KYNU: variants seen among roughly 807,000 people sequenced by gnomAD.
KYNU encodes L-kynurenine hydrolase.
A neutral mutation model predicts 59.2 loss-of-function variants in KYNU; 54 were observed. The observed-to-expected ratio is 0.91, with a 90% CI of 0.73 to 1.14. The LOEUF is 1.14. Ranked by LOEUF, KYNU falls within the 50% of genes most tolerant of loss-of-function variation. The pLI is 0.00. For synonymous variants in KYNU, 177 were observed against 192.0 expected (o/e 0.92, Z 0.65); for missense variants, 567 against 554.4 (o/e 1.02, Z -0.23).
intron 10 of KYNU, among the ~76,000 whole-genome samples, chr2:143,022,121 G>T (rs1383455616): frequency 2.0e-5 from 3 of 151,962 alleles, no homozygotes; most frequent in Non-Finnish European, 4.4e-5. Flanking sequence ...GCCAAATCTT[G>T]GTATTAACGA....
chr2:142,885,669 A>G, intron 2 of KYNU, 133 bp downstream of exon 2: 1 of 852,354 alleles, frequency 1.2e-6, no homozygotes, highest in East Asian at 2.7e-5. Context: ...GAAAAGCAGA[A>G]GATCCCTGGT....
chr2:142,899,383 T>G (rs1339026309), intron 2 of KYNU, among the ~76,000 whole-genome samples: 1 of 152,166 alleles, frequency 6.6e-6, no homozygotes, highest in East Asian at 1.9e-4. Context: ...ATTGGTCAGG[T>G]GTGAGCTGAG....
At chr2:142,904,771 A>G (rs1023235919) in intron 2 of KYNU, among the ~76,000 whole-genome samples, 1 of 152,104 alleles carries the variant, frequency 6.6e-6, no homozygotes, top group Non-Finnish European at 1.5e-5. Context: ...AGTGTTCTCT[A>G]TGGTCCTTTC....
intron 4 of KYNU, among the ~76,000 whole-genome samples, chr2:142,937,646 C>T (rs1387419127): frequency 6.6e-6 from 1 of 152,138 alleles, no homozygotes; most frequent in African/African-American, 2.4e-5. Context: ...AAGTGATGTA[C>T]AGAAAATGGA....
chr2:142,901,744 C>A (rs886100436), intron 2 of KYNU, among the ~76,000 whole-genome samples: 1 of 151,982 alleles, frequency 6.6e-6, no homozygotes, highest in African/African-American at 2.4e-5. Context: ...TTCTGCCAGC[C>A]GAGAGCTAGT....
rs141262310 is a variant in KYNU at position 142,983,179 on chromosome 2, T to A, written c.730-1905T>A. Among the ~76,000 whole-genome samples, 553 of 152,086 alleles carry A rather than the reference T, an allele frequency of 3.6e-3. 4 individuals carry two copies. The highest frequency in any genetic ancestry group is 0.012 in the African/African-American group (502 of 41,518). On this transcript the variant is annotated intron_variant, in intron 8 of 13. Transcript: ENST00000264170. ...CAAACTGCAAGGGGTGAGGAGGGCA[T>A]GGAGGAGCAGCTGATCCAGATTGAG... is the stretch of plus-strand genomic sequence containing the variant.
rs184449468 is a variant in KYNU, at chr2:142,891,406, T to A, written c.169+5870T>A. On this transcript the variant is annotated intron_variant, in intron 2 of 13. Transcript: ENST00000264170. ...TTGGAGAAAAAAAAACGGTGCTGCT[T>A]TCAATATTCTTTTCATAGTCAAATA... 9.7e-4 allele frequency among the ~76,000 whole-genome samples: 148 copies of A among 152,328 alleles called. 2 individuals carry two copies. The highest frequency in any genetic ancestry group is 3.1e-3 in the African/African-American group (127 of 41,580).
intron 13 of KYNU, among the ~76,000 whole-genome samples, chr2:143,041,418 C>A (rs1479672830): frequency 6.6e-6 from 1 of 151,994 alleles, no homozygotes; most frequent in Non-Finnish European, 1.5e-5. Context: ...GATCTATTGG[C>A]TTGAAATTTT....
At position 142,986,206 on chromosome 2, in the gene KYNU, T is replaced by C. The variant is rs560044660; in HGVS notation, c.902+185T>C. On this transcript the variant is annotated intron_variant, in intron 10 of 13. Coordinates refer to ENST00000264170, the MANE Select transcript of KYNU (RefSeq NM_003937.3). ...AATACATGCTTTCCAAAGAATTCAA[T>C]TGGTTGAACAAGAAATTTAATCAAA... is the stretch of plus-strand genomic sequence containing the variant. Among the ~76,000 whole-genome samples the C allele has an allele frequency of 1.3e-5, 2 of 152,104 alleles. 1 individual carries two copies. The highest frequency in any genetic ancestry group is 4.8e-5 in the African/African-American group (2 of 41,542).
chr2:143,010,528 T>C (rs1385794262), intron 10 of KYNU, among the ~76,000 whole-genome samples: 4,984 of 114,588 alleles, frequency 0.043, 134 homozygotes, highest in African/African-American at 0.11. Context: ...ATCAAGCTAC[T>C]AATGACTTTC....
intron 8 of KYNU, chr2:142,971,176 A>G (rs1684709245): frequency 6.6e-6 from 1 of 152,192 alleles, no homozygotes. Context: ...TATAGGTGGC[A>G]ACACTGGGTA....
At chr2:142,880,523 G>A (rs1336250450) in intron 1 of KYNU, among the ~76,000 whole-genome samples, 1 of 152,142 alleles carries the variant, frequency 6.6e-6, no homozygotes, top group East Asian at 1.9e-4. Flanking sequence ...TGAAAAATGA[G>A]TCATTCTATG....
At chr2:142,968,395 A>C (rs1008140338) in intron 8 of KYNU, among the ~76,000 whole-genome samples, 1 of 152,164 alleles carries the variant, frequency 6.6e-6, no homozygotes, top group Admixed American at 6.6e-5. Context: ...AAAAGGGAGG[A>C]CAAGTCTATA....
chr2:142,948,313 C>T (rs557708059), intron 4 of KYNU, among the ~76,000 whole-genome samples: 1 of 152,330 alleles, frequency 6.6e-6, no homozygotes, highest in East Asian at 1.9e-4. Context: ...GGGCCTTGCT[C>T]TGGTTTAGGC....
At chr2:143,040,275 G>T (rs1295543871) in intron 12 of KYNU, among the ~76,000 whole-genome samples, 153 bp from the exon 13 acceptor site, 1 of 151,982 alleles carries the variant, frequency 6.6e-6, no homozygotes, top group African/African-American at 2.4e-5. Context: ...ATTTAAAGGA[G>T]GGCATGATTT....
intron 1 of KYNU, among the ~76,000 whole-genome samples, chr2:142,883,038 G>A (rs556803342): frequency 6.6e-6 from 1 of 151,920 alleles, no homozygotes; most frequent in East Asian, 1.9e-4. Context: ...GACATGAGGT[G>A]GTATCTCACT....
intron 1 of KYNU, among the ~76,000 whole-genome samples, chr2:142,884,849 G>A (rs1681443061): frequency 6.7e-6 from 1 of 149,840 alleles, no homozygotes; most frequent in Non-Finnish European, 1.5e-5. Context: ...TGGGATTACA[G>A]GCGCCTGCCA....
At chr2:143,013,298 C>CTCTCTCTGTGTGTGTGTGTGTGTGTG (rs72349700) in intron 10 of KYNU, among the ~76,000 whole-genome samples, 6 of 149,466 alleles carry the variant, frequency 4.0e-5, no homozygotes, top group African/African-American at 1.2e-4. Flanking sequence ...GTCTCTTTCT[C>CTCTCTCTGTGTGTGTGTGTGTGTGTG]TGTGTGTGTG....
intron 4 of KYNU, among the ~76,000 whole-genome samples, chr2:142,950,641 C>A (rs1203009696): frequency 6.6e-6 from 1 of 152,190 alleles, no homozygotes; most frequent in Non-Finnish European, 1.5e-5. Context: ...CATGGGAATT[C>A]AAGATGAGAT....
Sources: allele counts gnomAD v4.1 joint callset (sites outside exome capture counted in the v4.1 genomes callset), GRCh38; gene constraint gnomAD v4.1.1; transcripts MANE v1.5; gene names NCBI Gene and HGNC (gene_info 2026-07-23, HGNC 2026-07-21).